Variants in PDE1C observed in about 807,000 individuals in gnomAD.
PDE1C encodes phosphodiesterase 1C.
Under a neutral mutation model 93.1 loss-of-function variants are expected in PDE1C, and 62 were observed. That is an observed-to-expected ratio of 0.67 (90% CI 0.54 to 0.82). The LOEUF (loss-of-function observed/expected upper bound fraction) is 0.82. PDE1C is among the 40% of genes least tolerant of loss of function. PDE1C has a pLI of 0.00. For synonymous variants in PDE1C, 325 were observed against 310.1 expected (o/e 1.05, Z -0.50); for missense variants, 742 against 884.6 (o/e 0.84, Z 2.04).
chr7:31,839,730 A>G (rs1366644007), intron 9 of PDE1C, among the ~76,000 whole-genome samples: 1 of 152,232 alleles, frequency 6.6e-6, no homozygotes, highest in Middle Eastern at 3.2e-3. Context: ...TTTATAAGAC[A>G]GCTGAGTGTT....
intron 2 of PDE1C, among the ~76,000 whole-genome samples, chr7:31,913,018 CT>C (rs1801442688): frequency 6.6e-6 from 1 of 151,998 alleles, no homozygotes. Context: ...ATATTTTAAC[CT>C]GTAGTTTTGG....
intron 16 of PDE1C, among the ~76,000 whole-genome samples, chr7:31,779,285 A>G (rs1416273107): frequency 6.6e-6 from 1 of 152,244 alleles, no homozygotes; most frequent in Non-Finnish European, 1.5e-5. Context: ...TGTTGCCTAC[A>G]TGAGTACCTG....
intron 3 of PDE1C, among the ~76,000 whole-genome samples, chr7:32,160,254 T>C (rs907366338): frequency 6.6e-6 from 1 of 152,134 alleles, no homozygotes; most frequent in African/African-American, 2.4e-5. Context: ...AAAAAAAGTA[T>C]CATCCAAATG....
intron 2 of PDE1C, among the ~76,000 whole-genome samples, chr7:31,923,716 C>T (rs1802953326): frequency 6.6e-6 from 1 of 152,110 alleles, no homozygotes; most frequent in African/African-American, 2.4e-5. Context: ...TGGCTCATGC[C>T]TATAATCCCA....
intron 2 of PDE1C, among the ~76,000 whole-genome samples, chr7:31,980,909 C>T (rs1407409431): frequency 6.6e-6 from 1 of 152,150 alleles, no homozygotes; most frequent in Non-Finnish European, 1.5e-5. Context: ...TATAAGCAGC[C>T]CTGCGATGAT....
chr7:32,199,078 G>A (rs1173862234), intron 2 of PDE1C, among the ~76,000 whole-genome samples: 3 of 151,626 alleles, frequency 2.0e-5, no homozygotes, highest in South Asian at 2.1e-4. Flanking sequence ...AACCAAGATC[G>A]CTCCACTGCA....
At chr7:31,855,241 C>T (rs1793867723) in intron 7 of PDE1C, among the ~76,000 whole-genome samples, 2 of 152,036 alleles carry the variant, frequency 1.3e-5, no homozygotes, top group Non-Finnish European at 2.9e-5. Flanking sequence ...CAAGAGTATT[C>T]AGGGCATTGG....
rs143359144 is a variant in PDE1C, at chr7:31,879,045, G to A, written c.376C>T (p.Arg126Trp). ...MMLRRSDEKP[R>W]FKSIVHAVQA... ...ACTGCGTGAACGATGCTCTTGAACC[G>A]GGGCTTCTCGTCGCTCCTCCTGAGC... The change falls in exon 4 of 18, where the codon CGG (arginine) becomes TGG (tryptophan). Residue 126 changes from arginine to tryptophan, a missense_variant. This residue lies in a region of PDE1C where 205 missense variants were observed against 295.3 expected (regional missense o/e 0.69). Transcript: ENST00000396191. The A allele has an allele frequency of 1.7e-5, 28 of 1,614,106 alleles. No homozygotes were observed. The highest frequency in any genetic ancestry group is 3.3e-5 in the Admixed American group (2 of 60,014).
intron 2 of PDE1C, chr7:31,893,412 C>G: frequency 1.1e-6 from 1 of 887,916 alleles, no homozygotes; most frequent in Admixed American, 6.2e-5. Context: ...GTGTCAAAAG[C>G]CTAAAGCTTT....
intron 1 of PDE1C, among the ~76,000 whole-genome samples, chr7:32,060,899 A>G (rs567704409): frequency 1.3e-5 from 2 of 152,296 alleles, no homozygotes; most frequent in East Asian, 3.9e-4. Context: ...TTCCAGTGAC[A>G]CCCACATGGA....
the PDE1C span, among the ~76,000 whole-genome samples, chr7:31,671,082 C>T: frequency 6.6e-6 from 1 of 152,182 alleles, no homozygotes; most frequent in African/African-American, 2.4e-5. Context: ...CATTTGCCAT[C>T]TCCAATTTGT....
intron 2 of PDE1C, among the ~76,000 whole-genome samples, chr7:32,025,311 C>G (rs147402662): frequency 6.8e-4 from 104 of 152,172 alleles, no homozygotes; most frequent in Middle Eastern, 3.4e-3. Context: ...AGGTCAGACA[C>G]AAGTAACAGC....
At chr7:32,154,179 A>G (rs1196311815) in intron 3 of PDE1C, among the ~76,000 whole-genome samples, 1 of 152,156 alleles carries the variant, frequency 6.6e-6, no homozygotes, top group Non-Finnish European at 1.5e-5. Context: ...GGATCACCTG[A>G]GCCTGGGAGG....
intron 1 of PDE1C, among the ~76,000 whole-genome samples, chr7:32,285,810 G>A (rs1443381627): frequency 2.1e-5 from 3 of 144,148 alleles, no homozygotes; most frequent in Non-Finnish European, 4.6e-5. Context: ...GAGGAGAGGA[G>A]AGGAGAGAGA....
chr7:31,656,977 C>T, the PDE1C span, among the ~76,000 whole-genome samples: 4 of 150,130 alleles, frequency 2.7e-5, no homozygotes, highest in African/African-American at 7.4e-5. Context: ...GATTCTCAGG[C>T]CTTTAGGCTC....
intron 2 of PDE1C, among the ~76,000 whole-genome samples, chr7:31,932,270 G>T (rs548739590): frequency 6.6e-6 from 1 of 152,100 alleles, no homozygotes; most frequent in Non-Finnish European, 1.5e-5. Context: ...TATCATCAGA[G>T]TGAACAGACA....
At chr7:32,190,333 T>C (rs925229924) in intron 2 of PDE1C, among the ~76,000 whole-genome samples, 1 of 152,206 alleles carries the variant, frequency 6.6e-6, no homozygotes, top group African/African-American at 2.4e-5. Flanking sequence ...CTTCAGTCCA[T>C]GGCTTAGCCA....
At chr7:31,707,367 C>A in the PDE1C span, 1 of 1,188,110 alleles carries the variant, frequency 8.4e-7, no homozygotes, top group South Asian at 1.5e-5. Context: ...TGTTTCTGCT[C>A]TCATTTTTGT....
downstream of PDE1C, among the ~76,000 whole-genome samples, chr7:31,749,809 C>T (rs561293382): frequency 1.0e-4 from 15 of 145,484 alleles, no homozygotes; most frequent in Non-Finnish European, 1.9e-4. Flanking sequence ...ACCATCTTGG[C>T]TCACTGCAAC....
Sources: allele counts gnomAD v4.1 joint callset (sites outside exome capture counted in the v4.1 genomes callset), GRCh38; gene constraint gnomAD v4.1.1; regional missense constraint gnomAD v4.1.1; transcripts MANE v1.5; gene names NCBI Gene and HGNC (gene_info 2026-07-23, HGNC 2026-07-21).